HMGCLL1: variants seen among roughly 807,000 people sequenced by gnomAD.
HMGCLL1 encodes 3-hydroxy-3-methylglutaryl-CoA lyase like 1, also known as 3-hydroxymethyl-3-methylglutaryl-CoA lyase, cytoplasmic.
A neutral mutation model predicts 39.1 loss-of-function variants in HMGCLL1; 36 were observed. The ratio of observed to expected loss-of-function variants is 0.92; its 90% CI spans 0.71 to 1.22. HMGCLL1 has a LOEUF of 1.22. Ranked by LOEUF, HMGCLL1 falls within the 50% of genes most tolerant of loss-of-function variation. The probability of loss-of-function intolerance (pLI) is 0.00; values close to 1 mark genes in which losing one functional copy is unlikely to be tolerated. For synonymous variants in HMGCLL1, 149 were observed against 144.0 expected (o/e 1.03, Z -0.25); for missense variants, 451 against 416.5 (o/e 1.08, Z -0.72).
chr6:55,440,364 C>G (rs935919287), intron 7 of HMGCLL1, among the ~76,000 whole-genome samples: 2 of 151,984 alleles, frequency 1.3e-5, no homozygotes, highest in African/African-American at 4.8e-5. Context: ...TCTTCTGTCT[C>G]CAGGGAATCT....
At chr6:55,631,445 A>T in the HMGCLL1 span, among the ~76,000 whole-genome samples, 195 of 152,140 alleles carry the variant, frequency 1.3e-3, no homozygotes, top group African/African-American at 4.4e-3. Context: ...AGAATGAAAA[A>T]TAATGCCAAA....
intron 7 of HMGCLL1, among the ~76,000 whole-genome samples, chr6:55,445,705 G>GC (rs960761201): frequency 7.2e-5 from 11 of 151,994 alleles, no homozygotes; most frequent in Non-Finnish European, 1.5e-4. Flanking sequence ...TAAGCACACA[G>GC]CACAAACTTA....
intron 5 of HMGCLL1, chr6:55,513,358 G>C (rs1360850641): frequency 1.3e-5 from 2 of 152,096 alleles, no homozygotes; most frequent in Non-Finnish European, 1.5e-5. Context: ...CAAGAAAAAG[G>C]CAAGGCGAGG....
intron 3 of HMGCLL1, among the ~76,000 whole-genome samples, chr6:55,520,792 A>G (rs911733855): frequency 2.0e-5 from 3 of 152,078 alleles, no homozygotes; most frequent in African/African-American, 7.2e-5. Flanking sequence ...ATTTAAAATG[A>G]TAAAAATCCT....
At chr6:55,639,190 C>A in the HMGCLL1 span, among the ~76,000 whole-genome samples, 3 of 151,906 alleles carry the variant, frequency 2.0e-5, no homozygotes, top group Non-Finnish European at 2.9e-5. Context: ...ATAGTGCCAT[C>A]TCAATAAATG....
At chr6:55,603,322 ACT>A in the HMGCLL1 span, among the ~76,000 whole-genome samples, 1 of 151,834 alleles carries the variant, frequency 6.6e-6, no homozygotes, top group East Asian at 1.9e-4. Flanking sequence ...GATATTTGGC[ACT>A]CTTTTGAACT....
the HMGCLL1 span, among the ~76,000 whole-genome samples, chr6:55,675,495 C>T: frequency 6.6e-6 from 1 of 152,080 alleles, no homozygotes; most frequent in African/African-American, 2.4e-5. Flanking sequence ...CATATTCAAA[C>T]TGACTGAAAT....
intron 1 of HMGCLL1, among the ~76,000 whole-genome samples, chr6:55,573,137 T>C (rs565047463): frequency 1.5e-4 from 23 of 152,252 alleles, no homozygotes; most frequent in African/African-American, 5.3e-4. Flanking sequence ...AAAGTAAGGA[T>C]GAAGAGAAAA....
the HMGCLL1 span, among the ~76,000 whole-genome samples, chr6:55,621,646 C>T: frequency 1.3e-5 from 2 of 151,722 alleles, no homozygotes; most frequent in Admixed American, 6.6e-5. Context: ...CTCAGTGCTC[C>T]GACTGTTTCT....
At chr6:55,511,491 T>A (rs1467400763) in intron 5 of HMGCLL1, among the ~76,000 whole-genome samples, 1 of 150,250 alleles carries the variant, frequency 6.7e-6, no homozygotes, top group Non-Finnish European at 1.5e-5. Context: ...ATGTTTACTA[T>A]TTTATAAAAA....
intron 1 of HMGCLL1, among the ~76,000 whole-genome samples, chr6:55,564,368 CTTT>C (rs2127472344): frequency 6.6e-6 from 1 of 152,180 alleles, no homozygotes; most frequent in East Asian, 1.9e-4. Flanking sequence ...ACCTCAGCAT[CTTT>C]TAGGTGACTG....
rs4236133 is a variant in HMGCLL1, at chr6:55,519,002, G to T, written c.298-2399C>A. ...TTGGAAAAGAAAGACGGACGGTTGCGTAAGTGGTAACATATTATTTGGCTA... is the reference window on the plus strand; with the variant it reads ...TTGGAAAAGAAAGACGGACGGTTGCTTAAGTGGTAACATATTATTTGGCTA... On this transcript the variant is annotated intron_variant, in intron 3 of 8. Transcript: ENST00000274901. Among the ~76,000 whole-genome samples, 563 of 152,192 alleles carry T rather than the reference G, an allele frequency of 3.7e-3. 1 individual carries two copies. Among genetic ancestry groups the T allele is most frequent in the African/African-American group, 0.013 (551 of 41,518 alleles).
intron 7 of HMGCLL1, among the ~76,000 whole-genome samples, chr6:55,491,936 A>T (rs911884654): frequency 3.3e-5 from 5 of 152,086 alleles, no homozygotes; most frequent in African/African-American, 1.2e-4. Flanking sequence ...AATAAAAAAA[A>T]AATAAAACCC....
At chr6:55,555,290 G>A (rs1202771171) in intron 1 of HMGCLL1, among the ~76,000 whole-genome samples, 2 of 152,054 alleles carry the variant, frequency 1.3e-5, no homozygotes, top group African/African-American at 4.8e-5. Context: ...CTTCCTCACT[G>A]CCTACAGGGG....
intron 1 of HMGCLL1, among the ~76,000 whole-genome samples, chr6:55,568,281 C>T (rs1253333411): frequency 6.6e-6 from 1 of 152,132 alleles, no homozygotes; most frequent in African/African-American, 2.4e-5. Context: ...GGGAAGATGG[C>T]AACCTTCTGG....
upstream of HMGCLL1, among the ~76,000 whole-genome samples, chr6:55,581,615 A>G (rs1771988082): frequency 6.6e-6 from 1 of 152,200 alleles, no homozygotes; most frequent in South Asian, 2.1e-4. Flanking sequence ...TGTTCTAAAA[A>G]GCTCTAGATA....
intron 5 of HMGCLL1, chr6:55,513,120 T>A (rs1457172197): frequency 6.6e-6 from 1 of 152,116 alleles, no homozygotes; most frequent in Non-Finnish European, 1.5e-5. Context: ...CATTTCTGCT[T>A]TCTACTACTC....
chr6:55,596,916 T>C, the HMGCLL1 span, among the ~76,000 whole-genome samples: 2 of 152,114 alleles, frequency 1.3e-5, no homozygotes, highest in Non-Finnish European at 2.9e-5. Flanking sequence ...ATATATAGCC[T>C]GTAACTAAAA....
At chr6:55,649,815 AC>A in the HMGCLL1 span, among the ~76,000 whole-genome samples, 1 of 151,230 alleles carries the variant, frequency 6.6e-6, no homozygotes, top group Admixed American at 6.6e-5. Context: ...TTTTCAGGTA[AC>A]CTCTCTTCAA....
Sources: gnomAD v4.1 joint callset for allele counts (sites outside exome capture counted in the v4.1 genomes callset) on GRCh38, gnomAD v4.1.1 for gene constraint, MANE v1.5 for transcripts, NCBI Gene and HGNC (gene_info 2026-07-23, HGNC 2026-07-21) for gene names.